Variants in ZFHX3 observed in about 807,000 individuals in gnomAD.
ZFHX3 encodes the protein zinc finger homeobox 3.
ZFHX3 carries 42 observed loss-of-function variants against 279.1 expected under a neutral mutation model. The ratio of observed to expected loss-of-function variants is 0.15; its 90% confidence interval spans 0.12 to 0.19. ZFHX3 has a LOEUF of 0.19. Among genes scored for constraint, ZFHX3 ranks in the 10% least tolerant of loss-of-function variants. The pLI, the probability that ZFHX3 is intolerant of heterozygous loss-of-function variation, is 1.00. For missense variants in ZFHX3, 4,981 were observed against 4,754.0 expected, an observed-to-expected ratio of 1.05 and a Z score of -1.40; for synonymous variants, 2,293 against 1,957.8, an observed-to-expected ratio of 1.17 and a Z score of -4.52.
chr16:73,291,761 T>C (rs922953417), intron 4 of ZFHX3, among the ~76,000 whole-genome samples: 15 of 152,210 alleles, frequency 9.9e-5, no homozygotes, highest in Non-Finnish European at 2.1e-4. Flanking sequence ...GAAGGCTGGA[T>C]AGGCTTTTGA....
intron 4 of ZFHX3, among the ~76,000 whole-genome samples, chr16:72,878,267 T>C (rs927202441): frequency 2.6e-5 from 4 of 152,230 alleles, no homozygotes; most frequent in African/African-American, 7.2e-5. Context: ...ATTCCCATTA[T>C]TGCCATAAAA....
At chr16:73,671,165 G>A (rs1248169428) in intron 2 of ZFHX3, among the ~76,000 whole-genome samples, 2 of 152,218 alleles carry the variant, frequency 1.3e-5, no homozygotes, top group Non-Finnish European at 2.9e-5. Context: ...TTTGCAGTTC[G>A]CAGATTTCCA....
chr16:73,009,408 A>G (rs1011648891), intron 1 of ZFHX3, among the ~76,000 whole-genome samples: 3 of 152,032 alleles, frequency 2.0e-5, no homozygotes, highest in Non-Finnish European at 4.4e-5. Flanking sequence ...AATTGCAAAC[A>G]CCACCAAGTT....
intron 3 of ZFHX3, among the ~76,000 whole-genome samples, chr16:72,924,906 C>T (rs1327616215): frequency 6.6e-6 from 1 of 152,186 alleles, no homozygotes. Context: ...GTCCCATTTC[C>T]TCCTACCCTT....
At chr16:73,413,229 A>G (rs1021452147) in intron 3 of ZFHX3, among the ~76,000 whole-genome samples, 2 of 152,248 alleles carry the variant, frequency 1.3e-5, no homozygotes, top group Admixed American at 1.3e-4. Context: ...CTTGCCATCA[A>G]TGACGTGGGA....
At chr16:73,435,333 T>A (rs2017978307) in intron 3 of ZFHX3, among the ~76,000 whole-genome samples, 1 of 152,152 alleles carries the variant, frequency 6.6e-6, no homozygotes, top group Non-Finnish European at 1.5e-5. Context: ...CTCAGCCTCC[T>A]AAGTAGCTGG....
chr16:73,199,518 AC>A (rs1241531262), intron 5 of ZFHX3, among the ~76,000 whole-genome samples: 5 of 152,050 alleles, frequency 3.3e-5, no homozygotes, highest in African/African-American at 1.2e-4. Context: ...GGAGTTTCCC[AC>A]CCATTGCTCT....
At chr16:73,649,405 A>G (rs1339180439) in intron 2 of ZFHX3, among the ~76,000 whole-genome samples, 1 of 152,182 alleles carries the variant, frequency 6.6e-6, no homozygotes, top group Non-Finnish European at 1.5e-5. Flanking sequence ...ATAAAACAGC[A>G]GGTATGGCAT....
In ZFHX3 at chr16:72,960,208, G is replaced by A. The variant is rs1214776450; in HGVS notation, c.-49-14C>T. 5 of 1,485,738 alleles carry A rather than the reference G, an allele frequency of 3.4e-6. No homozygotes were observed. Among genetic ancestry groups the A allele is most frequent in the Non-Finnish European group, 4.5e-6 (5 of 1,116,492 alleles). 92.0% of individuals were successfully genotyped at this position (1,485,738 alleles called of 1,614,324 possible). ...GGAGGCTCGGACCTGAAGGGCAGAG[G>A]CAAGGGGGGAGGAGGGAGAGAGGGG... On this transcript the variant is annotated splice_polypyrimidine_tract_variant and intron_variant, in intron 1 of 9. Transcript: ENST00000268489.
Position 73,651,263 on chromosome 16 carries a change from A to C in ZFHX3, c.-1547+28917T>G, listed in dbSNP as rs1290366880. 2.0e-5 allele frequency among the ~76,000 whole-genome samples: 3 copies of C among 151,978 alleles called. No homozygotes were observed. In the East Asian group the frequency reaches 5.8e-4, roughly 29 times the overall value. ...AAAAAAAAAAGCAGGGAAATGAAGA[A>C]GTTAAGACTCAGGGGATGATATAGT... On this transcript the variant is annotated intron_variant, in intron 2 of 17. Transcript: ENST00000641206.
Position 73,275,716 on chromosome 16 carries a change from T to C in ZFHX3, c.-1193-18580A>G, listed in dbSNP as rs1349879080. 3.3e-5 allele frequency among the ~76,000 whole-genome samples: 5 copies of C among 152,226 alleles called. No individual in the cohort carries two copies. The East Asian group carries it at 7.7e-4, about 23-fold the overall frequency. On this transcript the variant is annotated intron_variant, in intron 4 of 17. Transcript: ENST00000641206. The stretch of plus-strand genomic sequence containing the variant: ...TTAAAGCCCAATTTAAAATACTTTA[T>C]TGCTAACAAATGCTGATGCTGAATC...
At chr16:73,081,478 C>G (rs569453015) in intron 8 of ZFHX3, 1 of 152,138 alleles carries the variant, frequency 6.6e-6, no homozygotes, top group African/African-American at 2.4e-5. Flanking sequence ...AGGCTGGTCT[C>G]GAACTCCTGA....
At chr16:73,585,891 A>C (rs2051921003) in intron 2 of ZFHX3, among the ~76,000 whole-genome samples, 1 of 152,226 alleles carries the variant, frequency 6.6e-6, no homozygotes, top group South Asian at 2.1e-4. Flanking sequence ...AAAGAAAAAA[A>C]GGCATTTAAC....
chr16:73,054,296 T>C (rs962353613), intron 1 of ZFHX3, among the ~76,000 whole-genome samples: 1 of 152,104 alleles, frequency 6.6e-6, no homozygotes, highest in Non-Finnish European at 1.5e-5. Context: ...AAGCTGAAAG[T>C]GGGCTCGCAG....
chr16:73,701,228 G>C, intron 1 of ZFHX3, among the ~76,000 whole-genome samples: 1 of 152,180 alleles, frequency 6.6e-6, no homozygotes, highest in East Asian at 1.9e-4. Flanking sequence ...AATAAATCAA[G>C]TGATGTTGGT....
chr16:73,197,936 T>TTG (rs1968187855), intron 5 of ZFHX3, among the ~76,000 whole-genome samples: 2 of 131,384 alleles, frequency 1.5e-5, no homozygotes, highest in Non-Finnish European at 3.2e-5. Flanking sequence ...TTTTTTTTTT[T>TTG]TTTTTTTTTT....
At chr16:72,829,967 G>T in intron 4 of ZFHX3, 108 bp from the exon 5 acceptor site, 1 of 1,141,834 alleles carries the variant, frequency 8.8e-7, no homozygotes, top group Non-Finnish European at 1.3e-6. Flanking sequence ...CCAATGACTC[G>T]TCCCCCTTCT....
rs116519588 is a variant in ZFHX3 at position 72,960,005 on chromosome 16, G to A, written c.141C>T (p.His47=). Reference sequence around the variant, plus strand: ...GGGCCCTCAGGCTGTCCAAGGGCCCGTGGCTCTCGCCTGTGGACTGCTCCA... The same window carrying A: ...GGGCCCTCAGGCTGTCCAAGGGCCCATGGCTCTCGCCTGTGGACTGCTCCA... ...SSMEQSTGES[H]GPLDSLRAPF... Residue 47 remains histidine (H), a synonymous_variant, in exon 2 of 10, where the codon CAC becomes CAT. Coordinates refer to ENST00000268489, the MANE Select transcript of ZFHX3 (RefSeq NM_006885.4). The A allele has an allele frequency of 2.2e-4, 351 of 1,613,904 alleles. No individual in the cohort carries two copies. Among genetic ancestry groups the A allele is most frequent in the East Asian group, 8.9e-4 (40 of 44,866 alleles).
intron 2 of ZFHX3, among the ~76,000 whole-genome samples, chr16:73,660,275 A>G (rs2052767421): frequency 6.6e-6 from 1 of 152,208 alleles, no homozygotes; most frequent in South Asian, 2.1e-4. Context: ...AAGGATTTCT[A>G]TGGAACGCTT....
Sources: allele counts gnomAD v4.1 joint callset (sites outside exome capture counted in the v4.1 genomes callset), GRCh38; gene constraint gnomAD v4.1.1; transcripts MANE v1.5; gene names NCBI Gene and HGNC (gene_info 2026-07-23, HGNC 2026-07-21).